Variants in ZNF469 observed in about 807,000 individuals in gnomAD.
The protein encoded by ZNF469 is zinc finger protein 469.
A neutral mutation model predicts 1.0 loss-of-function variants in ZNF469; 1 was observed. The observed-to-expected ratio is 1.00, with a 90% CI of 0.35 to 4.73. The LOEUF (loss-of-function observed/expected upper bound fraction) is 4.73. ZNF469 is among the 30% of genes most tolerant of loss of function. The probability of loss-of-function intolerance (pLI) is 0.16; values close to 1 mark genes in which losing one functional copy is unlikely to be tolerated. For synonymous variants in ZNF469, 2,703 were observed against 2,363.4 expected (o/e 1.14, Z -4.17); for missense variants, 6,100 against 5,356.3 (o/e 1.14, Z -4.33).
At chr16:88,206,457 A>G in the ZNF469 span, among the ~76,000 whole-genome samples, 2 of 152,178 alleles carry the variant, frequency 1.3e-5, no homozygotes, top group African/African-American at 2.4e-5. Flanking sequence ...TCATAACCGC[A>G]GCTCAGTTTC....
At chr16:88,327,433 G>A in the ZNF469 span, among the ~76,000 whole-genome samples, 26 of 152,254 alleles carry the variant, frequency 1.7e-4, no homozygotes, top group Admixed American at 7.2e-4. Context: ...CCTGTGAAGC[G>A]GGTAGGCAGC....
At position 88,434,510 on chromosome 16, in the gene ZNF469, C is replaced by T. The variant is rs777810908; in HGVS notation, c.7040C>T (p.Ala2347Val). 4.4e-5 allele frequency: 68 copies of T among 1,550,148 alleles called. No homozygotes were observed. In the South Asian group the frequency reaches 7.4e-4, roughly 17 times the overall value. Residue 2347 changes from alanine to valine, a missense_variant, in exon 3 of 3, where the codon GCT becomes GTT. Ala to Val is a moderately conservative substitution (Grantham distance 64, BLOSUM62 0). Transcript: ENST00000565624. Reference protein sequence around the residue: ...LGHREGQAVTAVPTEPPTLQG... With the variant: ...LGHREGQAVTVVPTEPPTLQG... ...CACAGGGAGGGCCAGGCTGTCACAG[C>T]TGTGCCCACTGAGCCTCCCACGCTA...
chr16:88,397,999 G>T (rs1167542263), intron 1 of ZNF469, among the ~76,000 whole-genome samples: 1 of 152,200 alleles, frequency 6.6e-6, no homozygotes, highest in Admixed American at 6.5e-5. Context: ...GATGGTGCAG[G>T]TCCTCTTCAG....
the ZNF469 span, among the ~76,000 whole-genome samples, chr16:88,208,239 T>C: frequency 1.3e-5 from 2 of 151,950 alleles, no homozygotes; most frequent in East Asian, 3.9e-4. Context: ...ACCTATTTCC[T>C]TTGCAGCAGG....
chr16:88,190,241 G>A, the ZNF469 span, among the ~76,000 whole-genome samples: 1 of 152,228 alleles, frequency 6.6e-6, no homozygotes, highest in Non-Finnish European at 1.5e-5. Flanking sequence ...ACTCACAGGA[G>A]TGGGGTAGAC....
In ZNF469 at chr16:88,430,010, C is replaced by T. The variant is rs558293585; in HGVS notation, c.2540C>T (p.Ala847Val). ...AAGCTGGACAGCCTCATCACAGAGG[C>T]GCTCAACGGCATGGAGTACCAGTCG... The part of the protein sequence containing the change: ...DAKLDSLITE[A>V]LNGMEYQSDN... Residue 847 changes from alanine (A) to valine (V), a missense_variant, in exon 3 of 3, where the codon GCG becomes GTG. Physicochemically the swap from Ala to Val is moderately conservative, Grantham distance 64 (BLOSUM62 0). Coordinates refer to ENST00000565624, the MANE Select transcript of ZNF469 (RefSeq NM_001367624.2). The T allele has an allele frequency of 1.9e-6, 3 of 1,550,368 alleles. No homozygotes were observed. The highest frequency in any genetic ancestry group is 2.0e-5 in the Admixed American group (1 of 51,014).
chr16:88,295,055 G>C, the ZNF469 span, among the ~76,000 whole-genome samples: 1 of 137,592 alleles, frequency 7.3e-6, no homozygotes, highest in Admixed American at 7.2e-5. Flanking sequence ...CCAGGATGTG[G>C]CAGGGCTCAG....
At chr16:88,165,804 C>T in the ZNF469 span, among the ~76,000 whole-genome samples, 4 of 152,154 alleles carry the variant, frequency 2.6e-5, no homozygotes, top group Admixed American at 6.5e-5. Context: ...AGCCCGGCCC[C>T]GCCGCCTCCT....
At chr16:88,290,957 C>T in the ZNF469 span, among the ~76,000 whole-genome samples, 21 of 151,730 alleles carry the variant, frequency 1.4e-4, no homozygotes, top group Non-Finnish European at 2.9e-4. Context: ...GATCGGAGCG[C>T]GTCAGCCTTG....
At chr16:88,147,447 C>T in the ZNF469 span, among the ~76,000 whole-genome samples, 1 of 151,990 alleles carries the variant, frequency 6.6e-6, no homozygotes, top group Non-Finnish European at 1.5e-5. Context: ...TGGGGAGCAC[C>T]GACTGGGGTC....
the ZNF469 span, among the ~76,000 whole-genome samples, chr16:88,282,844 C>T: frequency 6.6e-6 from 1 of 152,186 alleles, no homozygotes; most frequent in Non-Finnish European, 1.5e-5. Context: ...CCTAAAGCAG[C>T]TGTCTGGGCT....
the ZNF469 span, among the ~76,000 whole-genome samples, chr16:88,245,054 G>A: frequency 1.3e-5 from 2 of 152,028 alleles, no homozygotes; most frequent in South Asian, 4.1e-4. Context: ...ACACCCGTAG[G>A]GCAAAGGAAT....
chr16:88,302,154 C>A, the ZNF469 span, among the ~76,000 whole-genome samples: 1 of 152,156 alleles, frequency 6.6e-6, no homozygotes, highest in Admixed American at 6.5e-5. Context: ...TAGTGGGAGA[C>A]TCGGGGGGTA....
At chr16:88,188,261 G>A in the ZNF469 span, among the ~76,000 whole-genome samples, 1 of 152,086 alleles carries the variant, frequency 6.6e-6, no homozygotes, top group Middle Eastern at 3.4e-3. Flanking sequence ...GAGCACCACA[G>A]GCTGCTCCCT....
chr16:88,158,575 G>C, the ZNF469 span, among the ~76,000 whole-genome samples: 1 of 152,164 alleles, frequency 6.6e-6, no homozygotes, highest in Admixed American at 6.5e-5. Flanking sequence ...GCAGCCTCTT[G>C]GTCAGGACTC....
At chr16:88,337,782 T>C in the ZNF469 span, among the ~76,000 whole-genome samples, 1 of 152,208 alleles carries the variant, frequency 6.6e-6, no homozygotes, top group Admixed American at 6.5e-5. Flanking sequence ...CATCTCTCCA[T>C]GTGCGTTGGA....
the ZNF469 span, among the ~76,000 whole-genome samples, chr16:88,261,144 G>A: frequency 2.0e-5 from 3 of 152,328 alleles, no homozygotes; most frequent in Admixed American, 6.5e-5. This position sits in a 1 kb window ranked among gnomAD's most constrained non-coding sequence, Gnocchi z 6.0. Context: ...GCGATCTCAC[G>A]CATGGTGGGC....
At chr16:88,296,350 ACT>A in the ZNF469 span, among the ~76,000 whole-genome samples, 5 of 152,110 alleles carry the variant, frequency 3.3e-5, no homozygotes, top group African/African-American at 1.2e-4. Flanking sequence ...TGACACACAC[ACT>A]CACACACACA....
the ZNF469 span, among the ~76,000 whole-genome samples, chr16:88,292,227 G>A: frequency 2.0e-5 from 3 of 152,164 alleles, no homozygotes; most frequent in Non-Finnish European, 4.4e-5. Flanking sequence ...CCTGGTGTGC[G>A]TGGTCCCAGC....
Sources: allele counts gnomAD v4.1 joint callset (sites outside exome capture counted in the v4.1 genomes callset), GRCh38; gene constraint gnomAD v4.1.1; non-coding constraint Gnocchi (gnomAD v3.1); transcripts MANE v1.5; gene names NCBI Gene and HGNC (gene_info 2026-07-23, HGNC 2026-07-21).